The following HLA-DRA variants were observed in gnomAD, a reference collection of about 807,000 sequenced individuals.
HLA-DRA encodes major histocompatibility complex, class II, DR alpha.
Under a neutral mutation model 22.1 loss-of-function variants are expected in HLA-DRA, and 8 were observed. That is an observed-to-expected ratio of 0.36 (90% confidence interval 0.21 to 0.65). The LOEUF (loss-of-function observed/expected upper bound fraction) is 0.65. HLA-DRA is among the 30% of genes least tolerant of loss of function. The pLI is 0.63. For missense variants in HLA-DRA, 248 were observed against 321.3 expected, an observed-to-expected ratio of 0.77 and a Z score of 1.74; for synonymous variants, 101 against 117.1, an observed-to-expected ratio of 0.86 and a Z score of 0.89.
intron 2 of HLA-DRA, 150 bp downstream of exon 2, chr6:32,442,843 C>G: frequency 1.1e-6 from 1 of 934,206 alleles, no homozygotes; most frequent in African/African-American, 1.7e-5. Context: ...TGCCAGAGGT[C>G]TGAGAACTTT....
chr6:32,443,696 A>G, intron 3 of HLA-DRA, 60 bp from the exon 4 acceptor site: 3 of 1,434,208 alleles, frequency 2.1e-6, no homozygotes, highest in South Asian at 1.4e-5. Context: ...CCTACATTTG[A>G]TTCTGAGTGT....
rs8084 is a variant in HLA-DRA, at chr6:32,443,258, A to T, written c.402A>T (p.Ile134=). Reference sequence around the variant, plus strand: ...AGCCCAACGTCCTCATCTGTTTCATAGACAAGTTCACCCCACCAGTGGTCA... The same window carrying T: ...AGCCCAACGTCCTCATCTGTTTCATTGACAAGTTCACCCCACCAGTGGTCA... ...LREPNVLICF[I]DKFTPPVVNV... Residue 134 remains isoleucine, a synonymous_variant, in exon 3 of 5, where the codon ATA becomes ATT. Transcript: ENST00000395388. 1.3e-5 allele frequency: 21 copies of T among 1,612,390 alleles called. No homozygotes were observed. The East Asian group carries it at 2.0e-4, about 15-fold the overall frequency.
chr6:32,442,347 A>G, intron 1 of HLA-DRA, 101 bp from the exon 2 acceptor site: 12 of 1,399,484 alleles, frequency 8.6e-6, no homozygotes, highest in Non-Finnish European at 1.2e-5. Flanking sequence ...CTCTTGGCCC[A>G]ATCTCTCTCC....
In HLA-DRA at chr6:32,443,873, G is replaced by A. The variant is rs764172368; in HGVS notation, c.728G>A (p.Arg243His). 11 of 1,608,920 alleles carry A rather than the reference G, an allele frequency of 6.8e-6. No individual in the cohort carries two copies. Among genetic ancestry groups the A allele is most frequent in the South Asian group, 3.3e-5 (3 of 90,024 alleles). ...IGTIFIIKGL[R>H]KSNAAERRGP... ...ACCATCTTCATCATCAAGGGATTGC[G>A]CAAAAGCAATGCAGCAGAACGCAGG... Residue 243 changes from arginine to histidine, a missense_variant, in exon 4 of 5, where the codon CGC becomes CAC. Coordinates refer to ENST00000395388, the MANE Select transcript of HLA-DRA (RefSeq NM_019111.5).
chr6:32,443,779 C>T lies in HLA-DRA; in HGVS notation c.634C>T (p.Pro212Ser), dbSNP rs1316638006. 1 of 1,605,288 alleles carries T rather than the reference C, an allele frequency of 6.2e-7. No individual in the cohort carries two copies. The highest frequency in any genetic ancestry group is 8.5e-7 in the Non-Finnish European group (1 of 1,176,744). Residue 212 changes from proline to serine, a missense_variant, in exon 4 of 5, where the codon CCA (proline) becomes TCA (serine). By Grantham distance (74) the Pro-to-Ser change is moderately conservative (BLOSUM62 -1). Coordinates refer to ENST00000395388, the MANE Select transcript of HLA-DRA (RefSeq NM_019111.5). ...AGAGTTTGATGCTCCAAGCCCTCTC[C>T]CAGAGACTACAGAGAACGTGGTGTG... ...HWEFDAPSPL[P>S]ETTENVVCAL...
rs1359040595 is a variant in HLA-DRA at position 32,443,257 on chromosome 6, T to C, written c.401T>C (p.Ile134Thr). The C allele has an allele frequency of 1.9e-6, 3 of 1,612,846 alleles. No individual in the cohort carries two copies. Among genetic ancestry groups the C allele is most frequent in the Non-Finnish European group, 1.7e-6 (2 of 1,179,966 alleles). Reference protein sequence around the residue: ...LREPNVLICFIDKFTPPVVNV... With the variant: ...LREPNVLICFTDKFTPPVVNV... Reference sequence around the variant, plus strand: ...GAGCCCAACGTCCTCATCTGTTTCATAGACAAGTTCACCCCACCAGTGGTC... The same window carrying C: ...GAGCCCAACGTCCTCATCTGTTTCACAGACAAGTTCACCCCACCAGTGGTC... The change falls in exon 3 of 5, where the codon ATA becomes ACA. Residue 134 changes from isoleucine to threonine, a missense_variant. Ile to Thr is a moderately conservative substitution (Grantham distance 89). Coordinates refer to ENST00000395388, the MANE Select transcript of HLA-DRA (RefSeq NM_019111.5).
intron 1 of HLA-DRA, among the ~76,000 whole-genome samples, chr6:32,441,622 A>T (rs1378197674): frequency 6.6e-6 from 1 of 152,244 alleles, no homozygotes; most frequent in Non-Finnish European, 1.5e-5. Context: ...GAACCTTCTC[A>T]TAGAGGTAAC....
intron 1 of HLA-DRA, among the ~76,000 whole-genome samples, chr6:32,441,879 G>A (rs9268657): frequency 0.37 from 56,029 of 151,996 alleles, 10,822 homozygotes; most frequent in Middle Eastern, 0.62. Context: ...CCACAGCAGG[G>A]CTACATAATA....
intron 4 of HLA-DRA, 81 bp downstream of exon 4, chr6:32,444,002 C>A: frequency 1.9e-6 from 2 of 1,050,512 alleles, no homozygotes. Context: ...AAATGTAATG[C>A]ATTTAAGAGA....
intron 1 of HLA-DRA, 36 bp downstream of exon 1, chr6:32,440,068 C>G: frequency 6.5e-7 from 1 of 1,541,854 alleles, no homozygotes; most frequent in Non-Finnish European, 9.0e-7. Flanking sequence ...GGACGATAGA[C>G]TACGAAGCAT....
At chr6:32,442,807 T>TGGAG in intron 2 of HLA-DRA, 114 bp downstream of exon 2, 1 of 1,286,244 alleles carries the variant, frequency 7.8e-7, no homozygotes, top group Non-Finnish European at 1.1e-6. Context: ...GGTCTAACCT[T>TGGAG]GCCATTAACA....
intron 4 of HLA-DRA, among the ~76,000 whole-genome samples, 178 bp from the exon 5 acceptor site, chr6:32,444,474 T>C (rs1762809124): frequency 7.4e-6 from 1 of 135,172 alleles, no homozygotes; most frequent in Non-Finnish European, 1.6e-5. Context: ...TAAAGCATGG[T>C]TGCTTATTAT....
rs1471176855 is a variant in HLA-DRA, at chr6:32,442,478, A to G, written c.113A>G (p.Tyr38Cys). The G allele has an allele frequency of 1.2e-6, 2 of 1,612,854 alleles. No individual in the cohort carries two copies. Among genetic ancestry groups the G allele is most frequent in the African/African-American group, 1.3e-5 (1 of 74,884 alleles). The change falls in exon 2 of 5, where the codon TAT (tyrosine) becomes TGT (cysteine). Residue 38 changes from tyrosine to cysteine, a missense_variant. Physicochemically the swap from Tyr to Cys is radical, Grantham distance 194. Coordinates refer to ENST00000395388, the MANE Select transcript of HLA-DRA (RefSeq NM_019111.5). ...CATGTGATCATCCAGGCCGAGTTCT[A>G]TCTGAATCCTGACCAATCAGGCGAG... The part of the protein sequence containing the change: ...EEHVIIQAEF[Y>C]LNPDQSGEFM...
intron 2 of HLA-DRA, 104 bp from the exon 3 acceptor site, chr6:32,443,081 T>C (rs1762717115): frequency 4.8e-6 from 5 of 1,041,276 alleles, no homozygotes; most frequent in Non-Finnish European, 7.1e-6. Flanking sequence ...TTTTCAGCTT[T>C]AGGGTTTTTA....
intron 1 of HLA-DRA, among the ~76,000 whole-genome samples, chr6:32,441,060 T>C (rs1032059288): frequency 9.2e-5 from 14 of 152,326 alleles, no homozygotes; most frequent in African/African-American, 3.4e-4. Context: ...CAGTCAAACA[T>C]TAAAATCTCT....
At position 32,441,315 on chromosome 6, in the gene HLA-DRA, G is replaced by A. The variant is rs1263474918; in HGVS notation, c.83-1133G>A. Among the ~76,000 whole-genome samples, 3 of 152,144 alleles carry A rather than the reference G, an allele frequency of 2.0e-5. No individual in the cohort carries two copies. In the East Asian group the frequency reaches 5.8e-4, roughly 29 times the overall value. On this transcript the variant is annotated intron_variant, in intron 1 of 4. Transcript: ENST00000395388. ...GGAGGTTGCAGTGAGCTGAGATGGT[G>A]CCACTGCACTCCAGCCTGGCGATAG... is the stretch of plus-strand genomic sequence containing the variant.
At chr6:32,440,154 C>T (rs1276207964) in intron 1 of HLA-DRA, 122 bp downstream of exon 1, 3 of 855,236 alleles carry the variant, frequency 3.5e-6, no homozygotes, top group East Asian at 2.5e-5. Context: ...TATGTGGTCT[C>T]GACAGAAAGT....
intron 2 of HLA-DRA, among the ~76,000 whole-genome samples, 174 bp downstream of exon 2, chr6:32,442,867 T>G (rs1444274847): frequency 6.6e-6 from 1 of 152,224 alleles, no homozygotes; most frequent in Non-Finnish European, 1.5e-5. Context: ...GGTTTGATCC[T>G]ATCTTGTTGT....
Position 32,443,884 on chromosome 6 carries a change from G to A in HLA-DRA, c.739G>A (p.Ala247Thr), listed in dbSNP as rs1762777201. 2 of 1,605,914 alleles carry A rather than the reference G, an allele frequency of 1.2e-6. No individual in the cohort carries two copies. The highest frequency in any genetic ancestry group is 1.7e-6 in the Non-Finnish European group (2 of 1,176,706). Residue 247 changes from alanine (A) to threonine (T), a missense_variant, in exon 4 of 5, where the codon GCA becomes ACA. Physicochemically the swap from Ala to Thr is moderately conservative, Grantham distance 58. Transcript: ENST00000395388. ...CATCAAGGGATTGCGCAAAAGCAATGCAGCAGAACGCAGGGGGCCTCTGTA... is the reference window on the plus strand; with the variant it reads ...CATCAAGGGATTGCGCAAAAGCAATACAGCAGAACGCAGGGGGCCTCTGTA... Reference protein sequence around the residue: ...FIIKGLRKSNAAERRGPL With the variant: ...FIIKGLRKSNTAERRGPL
Sources: allele counts gnomAD v4.1 joint callset (sites outside exome capture counted in the v4.1 genomes callset), GRCh38; gene constraint gnomAD v4.1.1; transcripts MANE v1.5; gene names NCBI Gene and HGNC (gene_info 2026-07-23, HGNC 2026-07-21).